Variants in PCDHGA7 observed in about 807,000 individuals in gnomAD.
PCDHGA7 encodes protocadherin gamma subfamily A, 7.
In PCDHGA7, 44 loss-of-function variants were observed where a neutral mutation model predicts 58.3. The observed-to-expected ratio is 0.75, with a 90% CI of 0.59 to 0.97. The LOEUF (loss-of-function observed/expected upper bound fraction) is 0.97, where lower values mean the gene tolerates loss of function less well. Among genes scored for constraint, PCDHGA7 ranks in the 50% least tolerant of loss-of-function variants. The pLI, the probability that PCDHGA7 is intolerant of heterozygous loss-of-function variation, is 0.00. For missense variants in PCDHGA7, 1,266 were observed against 1,188.7 expected, an observed-to-expected ratio of 1.06 and a Z score of -0.96; for synonymous variants, 516 against 504.2, an observed-to-expected ratio of 1.02 and a Z score of -0.31.
At chr5:141,455,634 G>C (rs1429708887) in intron 1 of PCDHGA7, among the ~76,000 whole-genome samples, 1 of 152,110 alleles carries the variant, frequency 6.6e-6, no homozygotes. Context: ...GAGATATGTG[G>C]GGGGCAGCCA....
In PCDHGA7 at chr5:141,477,556, T is replaced by C. The variant is rs2099412953; in HGVS notation, c.2425-17251T>C. On this transcript the variant is annotated intron_variant, in intron 1 of 3. Transcript: ENST00000518325. The surrounding 1 kb of genome is among the most constrained non-coding windows in gnomAD (Gnocchi z 4.9). The stretch of plus-strand genomic sequence containing the variant: ...CCGGGGCTCCAATACTAAACCTAAG[T>C]GTCTGGGACCCCGACGCCCCGCAGA... 6.2e-7 allele frequency: 1 copy of C among 1,614,164 alleles called. No homozygotes were observed. The highest frequency in any genetic ancestry group is 1.1e-5 in the South Asian group (1 of 91,086).
At position 141,432,432 on chromosome 5, in the gene PCDHGA7, A is replaced by G. The variant is rs1431760497; in HGVS notation, c.2424+47109A>G. On this transcript the variant is annotated intron_variant, in intron 1 of 3. Transcript: ENST00000518325. This position sits in a 1 kb window ranked among gnomAD's most constrained non-coding sequence, Gnocchi z 6.0. ...CTGTTCGTGCTGGACCAGAACGACA[A>G]TGCGCCCGAGATCCTGTACCCCGCC... The G allele has an allele frequency of 2.5e-6, 4 of 1,614,156 alleles. No homozygotes were observed. Among genetic ancestry groups the G allele is most frequent in the Non-Finnish European group, 3.4e-6 (4 of 1,180,028 alleles).
intron 1 of PCDHGA7, chr5:141,388,678 C>T (rs1347655255): frequency 5.6e-6 from 9 of 1,613,818 alleles, no homozygotes; most frequent in Non-Finnish European, 7.6e-6. Flanking sequence ...CTACAGGTGA[C>T]TGCCACGGAC....
chr5:141,405,858 T>C (rs2094727577), intron 1 of PCDHGA7, among the ~76,000 whole-genome samples: 1 of 152,200 alleles, frequency 6.6e-6, no homozygotes, highest in Non-Finnish European at 1.5e-5. Flanking sequence ...GTGTTTCTCA[T>C]CACTTTTCAC....
At chr5:141,474,892 A>G (rs1419975508) in intron 1 of PCDHGA7, among the ~76,000 whole-genome samples, 1 of 152,208 alleles carries the variant, frequency 6.6e-6, no homozygotes, top group Non-Finnish European at 1.5e-5. Context: ...TTAGAGGTTC[A>G]TTTCTTGTTC....
At chr5:141,403,219 G>A in intron 1 of PCDHGA7, 1 of 1,613,980 alleles carries the variant, frequency 6.2e-7, no homozygotes, top group South Asian at 1.1e-5. Flanking sequence ...CCGCGGGTAG[G>A]ATAGACCGGG....
intron 2 of PCDHGA7, among the ~76,000 whole-genome samples, chr5:141,498,024 A>G (rs1455238086): frequency 6.6e-6 from 1 of 152,200 alleles, no homozygotes; most frequent in East Asian, 1.9e-4. Flanking sequence ...GGAGACAAAT[A>G]TTGACCAAAT....
chr5:141,430,882 A>G, intron 1 of PCDHGA7: 3 of 1,601,068 alleles, frequency 1.9e-6, no homozygotes, highest in Non-Finnish European at 2.6e-6. Context: ...AGCTGGAGAA[A>G]GGCTCTAGGG....
At chr5:141,405,505 C>A in intron 1 of PCDHGA7, 2 of 751,126 alleles carry the variant, frequency 2.7e-6, no homozygotes, top group Non-Finnish European at 4.2e-6. Context: ...TTGCAACCTC[C>A]GCCTCCCAAA....
In PCDHGA7 at chr5:141,491,928, G is replaced by T; in HGVS notation, c.2425-2879G>T. 1 of 1,301,482 alleles carries T rather than the reference G, an allele frequency of 7.7e-7. No homozygotes were observed. Among genetic ancestry groups the T allele is most frequent in the South Asian group, 1.6e-5 (1 of 63,466 alleles). 80.6% of individuals were successfully genotyped at this position (1,301,482 alleles called of 1,614,324 possible). A position where few individuals can be genotyped will look rare whatever the true frequency, so the allele number is the denominator to read the frequency against. On this transcript the variant is annotated intron_variant, in intron 1 of 3. Coordinates refer to ENST00000518325, the MANE Select transcript of PCDHGA7 (RefSeq NM_018920.4). The surrounding 1 kb of genome is among the most constrained non-coding windows in gnomAD (Gnocchi z 6.9). ...TGGTGGCGACTGTGGGCGAGGGGAG[G>T]TGGGACCGACCCCCACCCCTACACT... is the stretch of plus-strand genomic sequence containing the variant.
chr5:141,433,062 T>G (rs1371087184), intron 1 of PCDHGA7: 1 of 1,614,074 alleles, frequency 6.2e-7, no homozygotes, highest in Non-Finnish European at 8.5e-7. Context: ...AAGAGTCACC[T>G]GATCTTCCCC....
chr5:141,424,169 A>G (rs542346399), intron 1 of PCDHGA7: 20 of 225,850 alleles, frequency 8.9e-5, no homozygotes, highest in Middle Eastern at 2.3e-3. Context: ...TCATCTATCT[A>G]TCTATACACA....
intron 1 of PCDHGA7, among the ~76,000 whole-genome samples, chr5:141,449,848 T>C (rs7713034): frequency 0.29 from 44,283 of 151,474 alleles, 7,514 homozygotes; most frequent in African/African-American, 0.48. Flanking sequence ...AATTAAATTT[T>C]AATAATAAAA....
At chr5:141,492,755 C>T (rs938918009) in intron 1 of PCDHGA7, among the ~76,000 whole-genome samples, 3 of 152,262 alleles carry the variant, frequency 2.0e-5, no homozygotes, top group African/African-American at 7.2e-5. Flanking sequence ...CGCGGCAGGG[C>T]TCCGCGTTGG....
At position 141,485,651 on chromosome 5, in the gene PCDHGA7, G is replaced by A. The variant is rs752827268; in HGVS notation, c.2425-9156G>A. The A allele has an allele frequency of 6.8e-6, 11 of 1,612,228 alleles. No individual in the cohort carries two copies. The Admixed American group carries it at 1.3e-4, about 20-fold the overall frequency. ...TTTCCCGTTGGAAAAGGCTCAGGATGCAGATGTGGGGAGCAATTCGATTAG... is the reference window on the plus strand; with the variant it reads ...TTTCCCGTTGGAAAAGGCTCAGGATACAGATGTGGGGAGCAATTCGATTAG... On this transcript the variant is annotated intron_variant, in intron 1 of 3. Transcript: ENST00000518325. This position sits in a 1 kb window ranked among gnomAD's most constrained non-coding sequence, Gnocchi z 5.7.
chr5:141,417,875 G>A, intron 1 of PCDHGA7: 1 of 1,556,360 alleles, frequency 6.4e-7, no homozygotes, highest in South Asian at 1.2e-5. Flanking sequence ...AGGGAGCTGC[G>A]CGCAGAGGCG....
At chr5:141,401,278 G>A (rs1355696847) in intron 1 of PCDHGA7, among the ~76,000 whole-genome samples, 4 of 152,160 alleles carry the variant, frequency 2.6e-5, no homozygotes, top group African/African-American at 9.7e-5. Context: ...GCAGGTGGAG[G>A]TTGCGGTGAG....
rs1461837957 is a variant in PCDHGA7, at chr5:141,432,613, G to C, written c.2424+47290G>C. The C allele has an allele frequency of 6.2e-7, 1 of 1,613,946 alleles. No homozygotes were observed. The highest frequency in any genetic ancestry group is 1.3e-5 in the African/African-American group (1 of 75,056). On this transcript the variant is annotated intron_variant, in intron 1 of 3. Coordinates refer to ENST00000518325, the MANE Select transcript of PCDHGA7 (RefSeq NM_018920.4). The surrounding 1 kb of genome is among the most constrained non-coding windows in gnomAD (Gnocchi z 6.0). ...AGGCCAGCGAGCCGGGACTCTTCTC[G>C]GTGGGTCTGCACACGGGCGAGGTGC...
At chr5:141,457,719 G>T (rs1437841051) in intron 1 of PCDHGA7, among the ~76,000 whole-genome samples, 1 of 152,226 alleles carries the variant, frequency 6.6e-6, no homozygotes, top group Non-Finnish European at 1.5e-5. Context: ...GTTCCACAAG[G>T]AATTTCAGAT....
Sources: gnomAD v4.1 joint callset for allele counts (sites outside exome capture counted in the v4.1 genomes callset) on GRCh38, gnomAD v4.1.1 for gene constraint, Gnocchi (gnomAD v3.1) non-coding constraint, MANE v1.5 for transcripts, NCBI Gene and HGNC (gene_info 2026-07-23, HGNC 2026-07-21) for gene names.